The following DNAH11 variants were observed in gnomAD, a reference collection of about 807,000 sequenced individuals.
DNAH11 encodes axonemal beta dynein heavy chain 11.
Under a neutral mutation model 526.0 loss-of-function variants are expected in DNAH11, and 442 were observed. The observed-to-expected ratio is 0.84, with a 90% CI of 0.78 to 0.91. DNAH11 has a LOEUF of 0.91. Ranked by LOEUF, DNAH11 falls within the 40% of genes least tolerant of loss-of-function variation. The pLI is 0.00. For missense variants in DNAH11, 6,989 were observed against 5,448.7 expected (o/e 1.28, Z -8.90); for synonymous variants, 2,461 against 1,935.9 (o/e 1.27, Z -7.12).
chr7:21,656,924 C>T (rs1429992434), intron 29 of DNAH11, among the ~76,000 whole-genome samples: 1 of 152,096 alleles, frequency 6.6e-6, no homozygotes, highest in African/African-American at 2.4e-5. Flanking sequence ...AAAAAGTTGC[C>T]ATAAACTCTC....
chr7:21,726,244 C>T (rs1055204427), intron 45 of DNAH11, among the ~76,000 whole-genome samples: 1 of 151,978 alleles, frequency 6.6e-6, no homozygotes, highest in African/African-American at 2.4e-5. Context: ...TTTTAAATGG[C>T]CAGATCTCAT....
intron 54 of DNAH11, among the ~76,000 whole-genome samples, chr7:21,759,668 ATAAAC>A (rs1786809565): frequency 6.6e-6 from 1 of 151,128 alleles, no homozygotes; most frequent in South Asian, 2.1e-4. Context: ...CCATCTGAGA[ATAAAC>A]TATATCAACT....
At position 21,779,316 on chromosome 7, in the gene DNAH11, A is replaced by G. The variant is rs550330218; in HGVS notation, c.9483+212A>G. ...CCAACCTTTTAGCTCTTTTAATGAT[A>G]TGAAAGAACAATAAATACTGAGCTC... is the stretch of plus-strand genomic sequence containing the variant. On this transcript the variant is annotated intron_variant, in intron 57 of 81. Coordinates refer to ENST00000409508, the MANE Select transcript of DNAH11 (RefSeq NM_001277115.2). Among the ~76,000 whole-genome samples the G allele has an allele frequency of 7.9e-5, 12 of 152,272 alleles. No homozygotes were observed. In the South Asian group the frequency reaches 2.3e-3, roughly 29 times the overall value.
At chr7:21,786,589 T>C in intron 58 of DNAH11, 35 bp from the exon 59 acceptor site, 2 of 1,577,518 alleles carry the variant, frequency 1.3e-6, no homozygotes, top group Middle Eastern at 1.8e-4. Flanking sequence ...CCGCTAATCC[T>C]GTCTGTGTAC....
At chr7:21,544,623 C>T (rs1782738271) in intron 1 of DNAH11, among the ~76,000 whole-genome samples, 1 of 152,130 alleles carries the variant, frequency 6.6e-6, no homozygotes. Flanking sequence ...GTCTTTATCT[C>T]AGTTTGGCTT....
At chr7:21,816,811 C>T in intron 64 of DNAH11, 109 bp downstream of exon 64, 4 of 845,288 alleles carry the variant, frequency 4.7e-6, no homozygotes, top group Non-Finnish European at 5.6e-6. Context: ...TGATGTATTA[C>T]AATTTGGTGC....
At chr7:21,809,816 T>A (rs1192892361) in intron 63 of DNAH11, among the ~76,000 whole-genome samples, 7 of 152,174 alleles carry the variant, frequency 4.6e-5, no homozygotes, top group Non-Finnish European at 1.0e-4. Context: ...TTCACCCGCC[T>A]CAGCCTCCCA....
intron 74 of DNAH11, among the ~76,000 whole-genome samples, chr7:21,874,487 C>G (rs905934877): frequency 2.0e-5 from 3 of 151,944 alleles, no homozygotes; most frequent in African/African-American, 7.3e-5. Context: ...AGGCGCCCAC[C>G]ACCAAGCCCA....
intron 25 of DNAH11, among the ~76,000 whole-genome samples, chr7:21,623,088 C>G (rs1249137481): frequency 6.6e-6 from 1 of 151,594 alleles, no homozygotes; most frequent in Non-Finnish European, 1.5e-5. Flanking sequence ...GGGCTAATAT[C>G]CAGAATCTAC....
Position 21,866,720 on chromosome 7 carries a change from C to T in DNAH11, c.11690+57C>T. ...TTAGTTAACATAGAGGAAATGTAGT[C>T]TGAAGAGTTAGGAGGATCTGGTGGA... On this transcript the variant is annotated intron_variant, in intron 71 of 81. Transcript: ENST00000409508. The T allele has an allele frequency of 2.6e-6, 4 of 1,516,726 alleles. No homozygotes were observed. The African/African-American group carries it at 5.5e-5, about 21-fold the overall frequency. The allele number at this position is 1,516,726 out of a possible 1,614,324, so 94.0% of individuals were successfully genotyped here.
chr7:21,637,224 C>G (rs1786904757), intron 26 of DNAH11, among the ~76,000 whole-genome samples: 1 of 151,788 alleles, frequency 6.6e-6, no homozygotes, highest in African/African-American at 2.4e-5. Context: ...CTCCCTTTCT[C>G]TCTCCTTCTC....
intron 68 of DNAH11, among the ~76,000 whole-genome samples, chr7:21,860,138 A>C (rs1446176689): frequency 1.3e-5 from 2 of 152,084 alleles, no homozygotes; most frequent in Non-Finnish European, 2.9e-5. Flanking sequence ...ACTCCACCGC[A>C]CTCCAGGCTG....
At chr7:21,563,125 T>C (rs995835410) in intron 5 of DNAH11, among the ~76,000 whole-genome samples, 10 of 152,224 alleles carry the variant, frequency 6.6e-5, no homozygotes, top group African/African-American at 2.2e-4. Context: ...GAGAAAACTT[T>C]GGATTCAATT....
intron 55 of DNAH11, 85 bp from the exon 56 acceptor site, chr7:21,773,675 TAGAAAA>T: frequency 1.0e-6 from 1 of 1,001,458 alleles, no homozygotes. Context: ...TTCTGACTTT[TAGAAAA>T]AAAATGATCA....
intron 74 of DNAH11, among the ~76,000 whole-genome samples, chr7:21,878,626 T>C (rs902421648): frequency 6.6e-6 from 1 of 152,200 alleles, no homozygotes; most frequent in African/African-American, 2.4e-5. Context: ...GGCCTAGTGA[T>C]TTAGAGTGAC....
intron 5 of DNAH11, chr7:21,561,491 A>T (rs1583482417): frequency 4.6e-6 from 1 of 215,448 alleles, no homozygotes. Flanking sequence ...CAATCAACAG[A>T]TTGGGCTATG....
At chr7:21,628,604 A>T (rs932701740) in intron 25 of DNAH11, among the ~76,000 whole-genome samples, 1 of 152,156 alleles carries the variant, frequency 6.6e-6, no homozygotes, top group South Asian at 2.1e-4. Flanking sequence ...GTTGACTCAC[A>T]TAAGTTAAAC....
chr7:21,774,699 A>G (rs1430331307), intron 56 of DNAH11, among the ~76,000 whole-genome samples: 1 of 152,204 alleles, frequency 6.6e-6, no homozygotes, highest in Admixed American at 6.5e-5. Context: ...TTTTAGACCC[A>G]GGTCTGTGTT....
chr7:21,583,289 C>G (rs1562678476), intron 9 of DNAH11, among the ~76,000 whole-genome samples: 2 of 151,930 alleles, frequency 1.3e-5, no homozygotes, highest in Non-Finnish European at 2.9e-5. Flanking sequence ...ACACACACAT[C>G]TACAACCATG....
Sources: gnomAD v4.1 joint callset for allele counts (sites outside exome capture counted in the v4.1 genomes callset) on GRCh38, gnomAD v4.1.1 for gene constraint, MANE v1.5 for transcripts, NCBI Gene and HGNC (gene_info 2026-07-23, HGNC 2026-07-21) for gene names.